CCBE1: variants seen among roughly 807,000 people sequenced by gnomAD.
CCBE1 encodes collagen and calcium binding EGF domains 1, also known as collagen and calcium-binding EGF domain-containing protein 1.
Under a neutral mutation model 50.0 loss-of-function variants are expected in CCBE1, and 37 were observed. The observed-to-expected ratio is 0.74, with a 90% CI of 0.57 to 0.97. The LOEUF is 0.97. Ranked by LOEUF, CCBE1 falls within the 50% of genes least tolerant of loss-of-function variation. CCBE1 has a pLI of 0.00. For synonymous variants in CCBE1, 234 were observed against 203.7 expected, an observed-to-expected ratio of 1.15 and a Z score of -1.27; for missense variants, 538 against 523.8, an observed-to-expected ratio of 1.03 and a Z score of -0.26.
intron 2 of CCBE1, among the ~76,000 whole-genome samples, chr18:59,644,097 T>A (rs2054025305): frequency 6.6e-6 from 1 of 152,132 alleles, no homozygotes; most frequent in Non-Finnish European, 1.5e-5. Flanking sequence ...GGGGGACAGT[T>A]TTGGGATGAA....
rs112618200 is a variant in CCBE1, at chr18:59,435,736, G to A, written c.*172C>T. On this transcript the variant is annotated 3_prime_UTR_variant, in exon 11 of 11. Transcript: ENST00000439986. ...CCCTCATGTCTGCAGGCCTAGGAGG[G>A]GACTCTGAAAATAGCATCGTATTTG... The A allele has an allele frequency of 1.8e-5, 13 of 713,944 alleles. No homozygotes were observed. The highest frequency in any genetic ancestry group is 7.0e-5 in the African/African-American group (4 of 57,134). The allele number at this position is 713,944 out of a possible 1,614,324, so 44.2% of individuals were successfully genotyped here.
At chr18:59,524,407 A>G (rs1914732935) in intron 2 of CCBE1, among the ~76,000 whole-genome samples, 1 of 152,206 alleles carries the variant, frequency 6.6e-6, no homozygotes. Flanking sequence ...AATTTGGAAA[A>G]TAAAATTTTA....
chr18:59,590,091 T>C (rs1264767489), intron 2 of CCBE1, among the ~76,000 whole-genome samples: 3 of 152,194 alleles, frequency 2.0e-5, no homozygotes, highest in Non-Finnish European at 2.9e-5. Context: ...GAATTTCCAC[T>C]ATAGTCAGAA....
At chr18:59,592,146 C>G (rs559013103) in intron 2 of CCBE1, among the ~76,000 whole-genome samples, 2 of 152,252 alleles carry the variant, frequency 1.3e-5, no homozygotes, top group South Asian at 4.1e-4. Flanking sequence ...ACCACTTGAG[C>G]CTATGAGTTC....
intron 2 of CCBE1, among the ~76,000 whole-genome samples, chr18:59,570,585 A>G (rs1039980929): frequency 2.0e-5 from 3 of 152,114 alleles, no homozygotes; most frequent in African/African-American, 7.2e-5. Flanking sequence ...GATCCCTGAG[A>G]TCACAGTGAG....
At chr18:59,566,734 C>T (rs530129033) in intron 2 of CCBE1, among the ~76,000 whole-genome samples, 8 of 152,304 alleles carry the variant, frequency 5.3e-5, no homozygotes, top group African/African-American at 1.9e-4. Flanking sequence ...GACAGTGCAG[C>T]TGGCTAACAT....
intron 2 of CCBE1, among the ~76,000 whole-genome samples, chr18:59,657,058 A>T (rs1302480250): frequency 6.6e-6 from 1 of 152,212 alleles, no homozygotes; most frequent in Non-Finnish European, 1.5e-5. Flanking sequence ...TTCACAGCCT[A>T]AGATTCTGCC....
chr18:59,645,297 T>A (rs1317404430), intron 2 of CCBE1, among the ~76,000 whole-genome samples: 1 of 152,212 alleles, frequency 6.6e-6, no homozygotes, highest in Non-Finnish European at 1.5e-5. Context: ...CCTAAGAATA[T>A]CACAAGTCCA....
intron 2 of CCBE1, among the ~76,000 whole-genome samples, chr18:59,508,711 C>CTTTTTTTTTTTTTTTTTTTTTTTTTTT (rs55881131): frequency 5.2e-5 from 5 of 95,692 alleles, no homozygotes; most frequent in African/African-American, 1.8e-4. Context: ...TAGAGTTACG[C>CTTTTTTTTTTTTTTTTTTTTTTTTTTT]TTTTTTTTTT....
At chr18:59,584,817 T>C (rs1051022892) in intron 2 of CCBE1, among the ~76,000 whole-genome samples, 4 of 152,156 alleles carry the variant, frequency 2.6e-5, no homozygotes, top group African/African-American at 9.7e-5. Context: ...AAACCTCTTT[T>C]CTTTATAAAT....
At chr18:59,554,829 G>T (rs926916128) in intron 2 of CCBE1, among the ~76,000 whole-genome samples, 4 of 152,208 alleles carry the variant, frequency 2.6e-5, no homozygotes, top group African/African-American at 9.7e-5. Flanking sequence ...ACAAAAGAAG[G>T]GGTAGGTTCC....
chr18:59,585,765 A>C (rs554606089), intron 2 of CCBE1, among the ~76,000 whole-genome samples: 1 of 152,334 alleles, frequency 6.6e-6, no homozygotes, highest in Admixed American at 6.5e-5. Flanking sequence ...CATTTTCATC[A>C]AGCTTGTACA....
chr18:59,629,608 A>C (rs537876893), intron 2 of CCBE1, among the ~76,000 whole-genome samples: 23 of 152,348 alleles, frequency 1.5e-4, no homozygotes, highest in Admixed American at 1.4e-3. Flanking sequence ...GGTAACGGGA[A>C]GTTATATCAT....
chr18:59,574,044 C>A (rs2052954876), intron 2 of CCBE1, among the ~76,000 whole-genome samples: 1 of 152,160 alleles, frequency 6.6e-6, no homozygotes, highest in Non-Finnish European at 1.5e-5. Flanking sequence ...CATGTTCTAT[C>A]TGTGCTACGA....
At chr18:59,683,783 C>T (rs1189825834) in intron 2 of CCBE1, among the ~76,000 whole-genome samples, 7 of 152,072 alleles carry the variant, frequency 4.6e-5, no homozygotes, top group South Asian at 2.1e-4. Flanking sequence ...CTGGAGATGC[C>T]GCCTGAGTAA....
intron 5 of CCBE1, among the ~76,000 whole-genome samples, chr18:59,457,918 AG>A (rs1486791973): frequency 6.6e-6 from 1 of 152,196 alleles, no homozygotes; most frequent in East Asian, 1.9e-4. Context: ...TTAGTTGTAA[AG>A]GGCTGACGCC....
At chr18:59,569,719 C>T (rs1406679913) in intron 2 of CCBE1, among the ~76,000 whole-genome samples, 9 of 152,136 alleles carry the variant, frequency 5.9e-5, no homozygotes, top group South Asian at 2.1e-4. Flanking sequence ...ACTGCAGCTT[C>T]AAACTCCCAG....
intron 2 of CCBE1, among the ~76,000 whole-genome samples, chr18:59,490,106 C>A (rs1393098124): frequency 6.6e-6 from 1 of 151,322 alleles, no homozygotes; most frequent in Non-Finnish European, 1.5e-5. Flanking sequence ...CCTGCCCCAT[C>A]CTCCTGGGTA....
intron 4 of CCBE1, among the ~76,000 whole-genome samples, chr18:59,469,222 G>C (rs73963220): frequency 2.4e-4 from 37 of 152,250 alleles, no homozygotes; most frequent in African/African-American, 8.7e-4. Context: ...TTATATTTGG[G>C]CATGTTCCCC....
Sources: allele counts gnomAD v4.1 joint callset (sites outside exome capture counted in the v4.1 genomes callset), GRCh38; gene constraint gnomAD v4.1.1; transcripts MANE v1.5; gene names NCBI Gene and HGNC (gene_info 2026-07-23, HGNC 2026-07-21).